The following SH3RF2 variants were observed in gnomAD, a reference collection of about 807,000 sequenced individuals.
SH3RF2 encodes SH3 domain containing ring finger 2.
In SH3RF2, 43 loss-of-function variants were observed where a neutral mutation model predicts 59.0. That is an observed-to-expected ratio of 0.73 (90% confidence interval 0.57 to 0.94). The LOEUF is 0.94. Ranked by LOEUF, SH3RF2 falls within the 40% of genes least tolerant of loss-of-function variation. SH3RF2 has a pLI of 0.00. For synonymous variants in SH3RF2, 391 were observed against 391.5 expected, an observed-to-expected ratio of 1.00 and a Z score of 0.01; for missense variants, 930 against 940.1, an observed-to-expected ratio of 0.99 and a Z score of 0.14.
chr5:145,984,420 T>C (rs12522672), intron 2 of SH3RF2, among the ~76,000 whole-genome samples: 19,448 of 152,190 alleles, frequency 0.13, 1,393 homozygotes, highest in East Asian at 0.26. Context: ...TACAAAAGAC[T>C]CAGCGAACAA....
At chr5:146,022,874 A>AAAAC (rs1448149367) in intron 5 of SH3RF2, among the ~76,000 whole-genome samples, 12 of 142,058 alleles carry the variant, frequency 8.4e-5, no homozygotes, top group African/African-American at 3.2e-4. Context: ...GCTCCATCTA[A>AAAAC]ACACACACAC....
Position 145,948,581 on chromosome 5 carries a change from C to T in SH3RF2, c.378+10275C>T, listed in dbSNP as rs140918259. 4.2e-3 allele frequency among the ~76,000 whole-genome samples: 646 copies of T among 152,326 alleles called. 5 individuals are homozygous for T. Among genetic ancestry groups the T allele is most frequent in the African/African-American group, 0.015 (630 of 41,562 alleles). Reference sequence around the variant, plus strand: ...AGACAGGAGAAATAAGGCAAATAATCCCAGGGTGTCTGAAGAAGACCACCT... The same window carrying T: ...AGACAGGAGAAATAAGGCAAATAATTCCAGGGTGTCTGAAGAAGACCACCT... On this transcript the variant is annotated intron_variant, in intron 2 of 9. Coordinates refer to ENST00000359120, the MANE Select transcript of SH3RF2 (RefSeq NM_152550.4).
At chr5:146,045,591 G>T (rs1762274460) in intron 5 of SH3RF2, among the ~76,000 whole-genome samples, 2 of 152,132 alleles carry the variant, frequency 1.3e-5, no homozygotes, top group Non-Finnish European at 2.9e-5. Context: ...GTGGTCTTTT[G>T]TGTCTGGCTT....
intron 2 of SH3RF2, among the ~76,000 whole-genome samples, chr5:145,971,057 C>T (rs560399576): frequency 2.0e-4 from 30 of 152,298 alleles, no homozygotes; most frequent in Admixed American, 3.3e-4. Context: ...TTGAGGCATC[C>T]TTTGCATTGG....
intron 2 of SH3RF2, among the ~76,000 whole-genome samples, chr5:145,981,291 G>T (rs898870792): frequency 6.6e-6 from 1 of 151,922 alleles, no homozygotes; most frequent in African/African-American, 2.4e-5. Flanking sequence ...TAGAGACAGG[G>T]TCTCACCATG....
At chr5:146,021,211 AATAT>A (rs747016086) in intron 5 of SH3RF2, among the ~76,000 whole-genome samples, 1 of 151,978 alleles carries the variant, frequency 6.6e-6, no homozygotes, top group Non-Finnish European at 1.5e-5. Context: ...ACTTAGCACT[AATAT>A]ATATATTTTT....
chr5:145,980,324 A>G (rs1244352819), intron 2 of SH3RF2, among the ~76,000 whole-genome samples: 1 of 152,160 alleles, frequency 6.6e-6, no homozygotes, highest in African/African-American at 2.4e-5. Context: ...ACACATACAC[A>G]TATGTATTTT....
intron 4 of SH3RF2, among the ~76,000 whole-genome samples, chr5:146,010,020 C>T (rs1173929083): frequency 6.6e-6 from 1 of 151,878 alleles, no homozygotes; most frequent in East Asian, 1.9e-4. Context: ...TAATGCTATC[C>T]CTCCCCACTC....
At chr5:146,024,280 G>T (rs1761445305) in intron 5 of SH3RF2, among the ~76,000 whole-genome samples, 1 of 152,110 alleles carries the variant, frequency 6.6e-6, no homozygotes, top group African/African-American at 2.4e-5. Context: ...CCATCCAATT[G>T]GGTGTGAATG....
chr5:145,967,594 A>G (rs1003461633), intron 2 of SH3RF2, among the ~76,000 whole-genome samples: 1 of 152,202 alleles, frequency 6.6e-6, no homozygotes, highest in African/African-American at 2.4e-5. Flanking sequence ...GACTGTCTCT[A>G]TCTTTTCTAG....
intron 2 of SH3RF2, among the ~76,000 whole-genome samples, chr5:145,992,986 C>A (rs6895580): frequency 6.6e-6 from 1 of 151,796 alleles, no homozygotes; most frequent in Non-Finnish European, 1.5e-5. Context: ...CTTTCACCTA[C>A]GAGCCTGTAA....
chr5:146,036,147 C>T (rs1761929113), intron 5 of SH3RF2, among the ~76,000 whole-genome samples: 1 of 152,116 alleles, frequency 6.6e-6, no homozygotes, highest in Admixed American at 6.5e-5. Context: ...CTTCTGTGTA[C>T]CCTGGCATTT....
intron 2 of SH3RF2, among the ~76,000 whole-genome samples, chr5:145,983,499 T>C (rs1228666596): frequency 6.6e-6 from 1 of 152,156 alleles, no homozygotes; most frequent in African/African-American, 2.4e-5. Context: ...GAAGACTCCT[T>C]CATGCCAATT....
rs144143408 is a variant in SH3RF2, at chr5:146,028,678, C to T, written c.1059+14617C>T. Among the ~76,000 whole-genome samples, 1,124 of 152,318 alleles carry T rather than the reference C, an allele frequency of 7.4e-3. 11 individuals are homozygous for T. Among genetic ancestry groups the T allele is most frequent in the Non-Finnish European group, 0.011 (760 of 68,034 alleles). On this transcript the variant is annotated intron_variant, in intron 5 of 9. Transcript: ENST00000359120. ...GGTCAAAGTTGCCTCCCGCTGAGAA[C>T]AGCTGATGTGCAGAATGTAGCACAG...
At chr5:145,946,410 A>G (rs1329723367) in intron 2 of SH3RF2, among the ~76,000 whole-genome samples, 1 of 152,184 alleles carries the variant, frequency 6.6e-6, no homozygotes, top group Non-Finnish European at 1.5e-5. Flanking sequence ...GAGTAAATAA[A>G]TAAACACAAT....
At chr5:145,992,856 T>C (rs2149978063) in intron 2 of SH3RF2, among the ~76,000 whole-genome samples, 1 of 151,440 alleles carries the variant, frequency 6.6e-6, no homozygotes, top group South Asian at 2.1e-4. Context: ...CTCCCAAATC[T>C]CACGGCCTCA....
intron 2 of SH3RF2, among the ~76,000 whole-genome samples, chr5:145,948,983 C>A (rs1758095118): frequency 6.6e-6 from 1 of 152,188 alleles, no homozygotes; most frequent in South Asian, 2.1e-4. Flanking sequence ...ATAATGTTTG[C>A]CATATTGCAA....
At chr5:146,059,134 C>T (rs1274024791) in intron 8 of SH3RF2, among the ~76,000 whole-genome samples, 3 of 152,222 alleles carry the variant, frequency 2.0e-5, no homozygotes, top group African/African-American at 4.8e-5. Context: ...GGTGACGTGA[C>T]TTAACTCATC....
chr5:146,063,159 C>G lies in SH3RF2; in HGVS notation c.*458C>G, dbSNP rs1762961815. On this transcript the variant is annotated 3_prime_UTR_variant, in exon 10 of 10. Transcript: ENST00000359120. ...TCTGCCATCTTCTGGGGCCTGTACA[C>G]TGGCCACTAGTAGCTGCCATATCTT... 1 of 157,948 alleles carries G rather than the reference C, an allele frequency of 6.3e-6. No individual in the cohort carries two copies. The allele number at this position is 157,948 out of a possible 1,614,324, so 9.8% of individuals were successfully genotyped here. A position where few individuals can be genotyped will look rare whatever the true frequency, so the allele number is the denominator to read the frequency against.
Sources: gnomAD v4.1 joint callset for allele counts (sites outside exome capture counted in the v4.1 genomes callset) on GRCh38, gnomAD v4.1.1 for gene constraint, MANE v1.5 for transcripts, NCBI Gene and HGNC (gene_info 2026-07-23, HGNC 2026-07-21) for gene names.